The following NFATC2 variants were observed in gnomAD, a reference collection of about 807,000 sequenced individuals.
NFATC2 encodes the protein nuclear factor of activated T cells 2, also known as nuclear factor of activated T-cells, cytoplasmic 2.
Under a neutral mutation model 87.3 loss-of-function variants are expected in NFATC2, and 22 were observed. That is an observed-to-expected ratio of 0.25 (90% CI 0.18 to 0.36). NFATC2 has a LOEUF of 0.36. Ranked by LOEUF, NFATC2 falls within the 10% of genes least tolerant of loss-of-function variation. NFATC2 has a pLI of 1.00. For missense variants in NFATC2, 1,149 were observed against 1,259.1 expected (o/e 0.91, Z 1.32); for synonymous variants, 565 against 542.2 (o/e 1.04, Z -0.58).
At chr20:51,458,468 G>T (rs988454061) in intron 5 of NFATC2, among the ~76,000 whole-genome samples, 1 of 151,784 alleles carries the variant, frequency 6.6e-6, no homozygotes, top group Non-Finnish European at 1.5e-5. Context: ...AATGGTCTGA[G>T]GGTCAGGACC....
chr20:51,528,976 G>A (rs1016086626), intron 1 of NFATC2, among the ~76,000 whole-genome samples: 2 of 152,152 alleles, frequency 1.3e-5, no homozygotes, highest in African/African-American at 4.8e-5. Flanking sequence ...TTGTGAGGCT[G>A]TAGTTTAATG....
chr20:51,408,067 G>A (rs1342418364), intron 9 of NFATC2, among the ~76,000 whole-genome samples: 5 of 152,244 alleles, frequency 3.3e-5, no homozygotes, highest in African/African-American at 1.2e-4. Flanking sequence ...AGGGGAGGGA[G>A]AGGTGGACCA....
intron 1 of NFATC2, among the ~76,000 whole-genome samples, chr20:51,527,918 T>C (rs564293131): frequency 6.6e-6 from 1 of 151,976 alleles, no homozygotes; most frequent in Admixed American, 6.6e-5. Context: ...CTGGGCAACG[T>C]AGAGACCCCA....
chr20:51,442,159 C>T (rs1250375867), intron 6 of NFATC2, among the ~76,000 whole-genome samples: 1 of 152,082 alleles, frequency 6.6e-6, no homozygotes. Context: ...TTGCTGGGCA[C>T]GGTGGCTCAC....
At chr20:51,489,005 A>G (rs1163157422) in intron 3 of NFATC2, among the ~76,000 whole-genome samples, 2 of 152,346 alleles carry the variant, frequency 1.3e-5, no homozygotes, top group East Asian at 1.9e-4. Flanking sequence ...ACTGGCCAAC[A>G]TGGCGAAACC....
chr20:51,506,171 G>A (rs1283803368), intron 3 of NFATC2, among the ~76,000 whole-genome samples: 1 of 152,188 alleles, frequency 6.6e-6, no homozygotes, highest in Non-Finnish European at 1.5e-5. Context: ...TCTCCAAGCA[G>A]GCACACAGGA....
At chr20:51,541,551 A>G (rs1247099221) in intron 1 of NFATC2, among the ~76,000 whole-genome samples, 1 of 152,182 alleles carries the variant, frequency 6.6e-6, no homozygotes, top group Non-Finnish European at 1.5e-5. Flanking sequence ...AACTGAGGGC[A>G]GTTGGAGGCA....
chr20:51,544,405 G>T (rs558353231), upstream of NFATC2, among the ~76,000 whole-genome samples: 12 of 152,192 alleles, frequency 7.9e-5, no homozygotes, highest in African/African-American at 2.6e-4. Context: ...CAAGTGATTC[G>T]AATCCTTCCC....
chr20:51,466,847 A>C (rs1987732255), intron 5 of NFATC2, among the ~76,000 whole-genome samples: 1 of 152,156 alleles, frequency 6.6e-6, no homozygotes, highest in Non-Finnish European at 1.5e-5. Context: ...CGAGGCGGGC[A>C]GATCGCCTGA....
intron 1 of NFATC2, among the ~76,000 whole-genome samples, chr20:51,560,168 G>A (rs6013218): frequency 0.018 from 2,675 of 152,090 alleles, 85 homozygotes; most frequent in African/African-American, 0.061. Flanking sequence ...CACCATTTTC[G>A]GTGCCTTATC....
At chr20:51,494,565 T>C (rs1323137660) in intron 3 of NFATC2, among the ~76,000 whole-genome samples, 1 of 152,082 alleles carries the variant, frequency 6.6e-6, no homozygotes, top group East Asian at 1.9e-4. Flanking sequence ...TGCCCAGAGC[T>C]GAACACGGCT....
chr20:51,444,855 C>A (rs1367293864), intron 6 of NFATC2, among the ~76,000 whole-genome samples: 2 of 152,086 alleles, frequency 1.3e-5, no homozygotes, highest in Admixed American at 6.5e-5. Context: ...ATGGCCCCCC[C>A]AGCTTAGGAT....
At chr20:51,479,166 G>A (rs926246005) in intron 3 of NFATC2, among the ~76,000 whole-genome samples, 2 of 152,032 alleles carry the variant, frequency 1.3e-5, no homozygotes, top group Admixed American at 6.6e-5. Flanking sequence ...GCACATCACT[G>A]GAATATTTAC....
chr20:51,408,012 G>A (rs140636818), intron 9 of NFATC2, among the ~76,000 whole-genome samples: 3 of 152,314 alleles, frequency 2.0e-5, no homozygotes, highest in African/African-American at 7.2e-5. Flanking sequence ...AAAGTCCTCT[G>A]TGGCCCAACC....
chr20:51,436,807 C>T (rs112848825), intron 6 of NFATC2, among the ~76,000 whole-genome samples: 32 of 152,250 alleles, frequency 2.1e-4, no homozygotes, highest in African/African-American at 6.5e-4. Flanking sequence ...CTTTATCCTA[C>T]GCCAAAGCTG....
chr20:51,542,824 A>C, upstream of NFATC2: 2 of 555,354 alleles, frequency 3.6e-6, no homozygotes, highest in Non-Finnish European at 4.2e-6. Context: ...AGGGGACCGG[A>C]GGGGAGGGGC....
Position 51,396,038 on chromosome 20 carries a change from G to GTATATATATA in NFATC2, c.*44+2595_*44+2604dup, listed in dbSNP as rs1161908517. Among the ~76,000 whole-genome samples, 16 of 21,260 alleles carry GTATATATATA rather than the reference G, an allele frequency of 7.5e-4. 1 individual carries two copies. The highest frequency in any genetic ancestry group is 1.5e-3 in the East Asian group (1 of 666). 13.9% of individuals were successfully genotyped at this position (21,260 alleles called of 152,430 possible). ...GCTGTAGTTTGTCAGCTCCTAGTATGTATATATATATATATATATATATAT... is the reference window on the plus strand; with the variant it reads ...GCTGTAGTTTGTCAGCTCCTAGTATGTATATATATATATATATATATATATATATATATAT... On this transcript the variant is annotated intron_variant, in intron 10 of 10. Coordinates refer to ENST00000371564, the MANE Select transcript of NFATC2 (RefSeq NM_012340.5).
intron 8 of NFATC2, among the ~76,000 whole-genome samples, chr20:51,433,361 G>A (rs1438908223): frequency 6.6e-6 from 1 of 152,110 alleles, no homozygotes; most frequent in Non-Finnish European, 1.5e-5. Flanking sequence ...TGCTTTGGGG[G>A]AATAAGCACT....
rs1363939115 is a variant in NFATC2, at chr20:51,480,275, A to G, written c.1333-4615T>C. ...TGCACTCCCGCCTGGGTCACAAAGC[A>G]AGACTCTGTCTCAAAAAAAATAGAA... On this transcript the variant is annotated intron_variant, in intron 3 of 10. Transcript: ENST00000371564. The surrounding 1 kb of genome is among the most constrained non-coding windows in gnomAD (Gnocchi z 4.2). 7.5e-6 allele frequency among the ~76,000 whole-genome samples: 1 copy of G among 133,998 alleles called. No individual in the cohort carries two copies. The highest frequency in any genetic ancestry group is 1.6e-5 in the Non-Finnish European group (1 of 63,600). The allele number at this position is 133,998 out of a possible 152,430, so 87.9% of individuals were successfully genotyped here.
Sources: gnomAD v4.1 joint callset for allele counts (sites outside exome capture counted in the v4.1 genomes callset) on GRCh38, gnomAD v4.1.1 for gene constraint, Gnocchi (gnomAD v3.1) non-coding constraint, MANE v1.5 for transcripts, NCBI Gene and HGNC (gene_info 2026-07-23, HGNC 2026-07-21) for gene names.